The following XRCC4 variants were observed in gnomAD, a reference collection of about 807,000 sequenced individuals.
XRCC4 encodes the protein DNA repair protein XRCC4.
Under a neutral mutation model 39.1 loss-of-function variants are expected in XRCC4, and 28 were observed. That is an observed-to-expected ratio of 0.72 (90% CI 0.53 to 0.98). XRCC4 has a LOEUF of 0.98. Among genes scored for constraint, XRCC4 ranks in the 50% least tolerant of loss-of-function variants. The pLI is 0.00. For missense variants in XRCC4, 350 were observed against 376.4 expected (o/e 0.93, Z 0.58); for synonymous variants, 123 against 126.4 (o/e 0.97, Z 0.18).
intron 7 of XRCC4, among the ~76,000 whole-genome samples, chr5:83,320,361 A>G (rs1756018222): frequency 6.7e-6 from 1 of 149,440 alleles, no homozygotes; most frequent in African/African-American, 2.5e-5. Context: ...GTATAATAAA[A>G]AATAAAAAAT....
chr5:83,083,442 T>G (rs1269553023), intron 1 of XRCC4, among the ~76,000 whole-genome samples: 6 of 145,998 alleles, frequency 4.1e-5, no homozygotes, highest in Admixed American at 2.8e-4. Flanking sequence ...AGTGGCACAA[T>G]CTCTACTCAC....
At chr5:83,364,217 T>G in the XRCC4 span, among the ~76,000 whole-genome samples, 9 of 152,158 alleles carry the variant, frequency 5.9e-5, no homozygotes, top group African/African-American at 2.2e-4. Context: ...GAAATAGCAC[T>G]TTTTAAAAAA....
chr5:83,370,729 A>G, the XRCC4 span, among the ~76,000 whole-genome samples: 1 of 152,048 alleles, frequency 6.6e-6, no homozygotes, highest in South Asian at 2.1e-4. Context: ...CATTGACCCC[A>G]ATTCCAGCCC....
intron 7 of XRCC4, among the ~76,000 whole-genome samples, chr5:83,320,577 A>G (rs550908225): frequency 6.6e-6 from 1 of 151,824 alleles, no homozygotes; most frequent in Non-Finnish European, 1.5e-5. Flanking sequence ...TCCCCATGCT[A>G]TAGAGAAATA....
At chr5:83,208,422 T>A (rs1179620414) in intron 6 of XRCC4, among the ~76,000 whole-genome samples, 1 of 152,070 alleles carries the variant, frequency 6.6e-6, no homozygotes. Flanking sequence ...GGCAAATTCA[T>A]ATTTACCGTA....
At chr5:83,334,810 A>AAAAT (rs1244175562) in intron 7 of XRCC4, among the ~76,000 whole-genome samples, 1 of 152,008 alleles carries the variant, frequency 6.6e-6, no homozygotes, top group Non-Finnish European at 1.5e-5. Context: ...TATATACCAA[A>AAAAT]AAATAAATAA....
At chr5:83,229,490 A>C (rs1752414151) in intron 6 of XRCC4, among the ~76,000 whole-genome samples, 1 of 151,786 alleles carries the variant, frequency 6.6e-6, no homozygotes, top group Non-Finnish European at 1.5e-5. Flanking sequence ...GTTGTGAAGA[A>C]GATGCTATCC....
intron 7 of XRCC4, among the ~76,000 whole-genome samples, chr5:83,309,296 A>AAAAAAAAAATAT (rs1561467702): frequency 1.4e-5 from 1 of 72,214 alleles, no homozygotes. Flanking sequence ...AAAAAAAAAA[A>AAAAAAAAAATAT]ATATATATAT....
intron 7 of XRCC4, among the ~76,000 whole-genome samples, chr5:83,320,367 AAAAT>A (rs1004589007): frequency 8.7e-5 from 13 of 149,348 alleles, no homozygotes; most frequent in African/African-American, 3.2e-4. Context: ...TAAAAAATAA[AAAAT>A]AAAAAAATAA....
chr5:83,280,370 T>C, intron 7 of XRCC4: 1 of 528,204 alleles, frequency 1.9e-6, no homozygotes, highest in Admixed American at 3.1e-5. Context: ...TTCATGTTTC[T>C]TGAATGTCTT....
intron 1 of XRCC4, among the ~76,000 whole-genome samples, chr5:83,080,664 T>TG (rs1341089325): frequency 1.3e-5 from 2 of 152,212 alleles, no homozygotes; most frequent in African/African-American, 4.8e-5. Flanking sequence ...GTATCCCTGC[T>TG]GTATAAGCTT....
intron 7 of XRCC4, among the ~76,000 whole-genome samples, chr5:83,260,495 A>C (rs1472256778): frequency 6.6e-6 from 1 of 152,010 alleles, no homozygotes; most frequent in African/African-American, 2.4e-5. Flanking sequence ...GGGAAGAAGG[A>C]AATATTGGTT....
chr5:83,167,045 C>A (rs1749515641), intron 3 of XRCC4, among the ~76,000 whole-genome samples: 1 of 151,372 alleles, frequency 6.6e-6, no homozygotes, highest in African/African-American at 2.4e-5. Context: ...CCATGCCTGG[C>A]TAATTTTTCT....
chr5:83,229,768 T>C (rs1444263463), intron 6 of XRCC4, among the ~76,000 whole-genome samples: 1 of 151,646 alleles, frequency 6.6e-6, no homozygotes, highest in Admixed American at 6.6e-5. Context: ...TGTTTGGTCT[T>C]TAATATGGTA....
At chr5:83,172,332 A>C (rs549435093) in intron 3 of XRCC4, among the ~76,000 whole-genome samples, 1 of 152,160 alleles carries the variant, frequency 6.6e-6, no homozygotes, top group Admixed American at 6.6e-5. Flanking sequence ...CAAGCCTTCT[A>C]ACCATTGCTT....
At chr5:83,161,083 A>G (rs1057111469) in intron 3 of XRCC4, among the ~76,000 whole-genome samples, 1 of 150,870 alleles carries the variant, frequency 6.6e-6, no homozygotes, top group Non-Finnish European at 1.5e-5. Context: ...ATAGCTAGTA[A>G]GTGGCCACAG....
chr5:83,152,828 C>A (rs575765177), intron 3 of XRCC4, among the ~76,000 whole-genome samples: 1 of 152,072 alleles, frequency 6.6e-6, no homozygotes, highest in Admixed American at 6.6e-5. Context: ...CCCAAATGGT[C>A]GTGCAGTCGA....
At chr5:83,368,292 C>T in the XRCC4 span, among the ~76,000 whole-genome samples, 7 of 152,098 alleles carry the variant, frequency 4.6e-5, no homozygotes, top group East Asian at 1.9e-4. Context: ...GTCAATCATC[C>T]CAGGTGGTGC....
At chr5:83,197,455 A>T (rs1750999579) in intron 4 of XRCC4, among the ~76,000 whole-genome samples, 1 of 152,182 alleles carries the variant, frequency 6.6e-6, no homozygotes, top group African/African-American at 2.4e-5. Context: ...GGTACTTGGT[A>T]CTTGAACAAA....
Sources: allele counts gnomAD v4.1 joint callset (sites outside exome capture counted in the v4.1 genomes callset), GRCh38; gene constraint gnomAD v4.1.1; transcripts MANE v1.5; gene names NCBI Gene and HGNC (gene_info 2026-07-23, HGNC 2026-07-21).